PRDM5: variants seen among roughly 807,000 people sequenced by gnomAD.
PRDM5 encodes the protein PR domain zinc finger protein 5.
PRDM5 carries 56 observed loss-of-function variants against 81.2 expected under a neutral mutation model. The ratio of observed to expected loss-of-function variants is 0.69; its 90% CI spans 0.56 to 0.86. PRDM5 has a LOEUF of 0.86. PRDM5 is among the 40% of genes least tolerant of loss of function. PRDM5 has a pLI of 0.00. For synonymous variants in PRDM5, 267 were observed against 256.4 expected (o/e 1.04, Z -0.39); for missense variants, 697 against 770.1 (o/e 0.91, Z 1.12).
At chr4:120,904,126 G>T (rs1218086341) in intron 2 of PRDM5, among the ~76,000 whole-genome samples, 1 of 140,782 alleles carries the variant, frequency 7.1e-6, no homozygotes. Flanking sequence ...GGAGATGGAG[G>T]TTGCAGTGAG....
At chr4:120,824,509 A>C (rs1222188721) in intron 3 of PRDM5, among the ~76,000 whole-genome samples, 1 of 152,220 alleles carries the variant, frequency 6.6e-6, no homozygotes, top group Non-Finnish European at 1.5e-5. Flanking sequence ...CCTGCTCAAA[A>C]GCAAATATTC....
chr4:120,685,980 T>A (rs1042037400), intron 1 of PRDM5, among the ~76,000 whole-genome samples: 1 of 152,072 alleles, frequency 6.6e-6, no homozygotes, highest in African/African-American at 2.4e-5. Context: ...ATCCCCTTAG[T>A]GTTCTCCTTG....
intron 13 of PRDM5, among the ~76,000 whole-genome samples, chr4:120,773,832 T>C (rs1159542537): frequency 1.3e-5 from 2 of 152,212 alleles, no homozygotes; most frequent in Non-Finnish European, 2.9e-5. Context: ...TGCAGCAGGA[T>C]GAGTGAAGAA....
chr4:120,862,158 C>T (rs982828170), intron 2 of PRDM5, among the ~76,000 whole-genome samples: 2 of 152,206 alleles, frequency 1.3e-5, no homozygotes, highest in Admixed American at 1.3e-4. Context: ...ATCCAGCAAT[C>T]ATAGTTCTGT....
intron 15 of PRDM5, among the ~76,000 whole-genome samples, chr4:120,706,350 C>G (rs1736142537): frequency 6.6e-6 from 1 of 152,100 alleles, no homozygotes; most frequent in Non-Finnish European, 1.5e-5. Flanking sequence ...AGGACCTTAA[C>G]TAGAATAATG....
intron 14 of PRDM5, among the ~76,000 whole-genome samples, chr4:120,743,004 C>A (rs377012533): frequency 0.039 from 5,825 of 147,862 alleles, 284 homozygotes; most frequent in African/African-American, 0.11. Flanking sequence ...GAAATGAAGG[C>A]AAAAATGTTA....
intron 13 of PRDM5, among the ~76,000 whole-genome samples, chr4:120,772,423 C>T (rs952093987): frequency 6.6e-6 from 1 of 152,176 alleles, no homozygotes; most frequent in African/African-American, 2.4e-5. Context: ...CAACAGTGAA[C>T]AGTTCCTATG....
chr4:120,823,078 T>C (rs1755499965), intron 3 of PRDM5, among the ~76,000 whole-genome samples: 1 of 152,178 alleles, frequency 6.6e-6, no homozygotes, highest in Non-Finnish European at 1.5e-5. Flanking sequence ...TTTTTAACTG[T>C]TTGGGTAACC....
intron 11 of PRDM5, among the ~76,000 whole-genome samples, chr4:120,782,018 A>G (rs180803463): frequency 7.1e-4 from 108 of 151,866 alleles, no homozygotes; most frequent in African/African-American, 2.4e-3. Flanking sequence ...GGGGAAAGCA[A>G]CCTCAGAAAA....
intron 1 of PRDM5, among the ~76,000 whole-genome samples, chr4:120,911,108 AAC>A (rs1439032777): frequency 1.3e-5 from 2 of 152,190 alleles, no homozygotes; most frequent in African/African-American, 4.8e-5. Context: ...CCAGATACCC[AAC>A]CATAAACATG....
intron 3 of PRDM5, among the ~76,000 whole-genome samples, chr4:120,821,913 C>G (rs1298483364): frequency 6.7e-6 from 1 of 149,650 alleles, no homozygotes; most frequent in Non-Finnish European, 1.5e-5. Flanking sequence ...TCTTTGGTCT[C>G]TAAATCCCAC....
chr4:120,747,225 A>T (rs1367304431), intron 14 of PRDM5, among the ~76,000 whole-genome samples: 1 of 146,088 alleles, frequency 6.8e-6, no homozygotes, highest in Non-Finnish European at 1.5e-5. Context: ...ATAGGTGGGA[A>T]TTGAACAATG....
At chr4:120,744,809 A>C (rs967984968) in intron 14 of PRDM5, among the ~76,000 whole-genome samples, 1 of 149,860 alleles carries the variant, frequency 6.7e-6, no homozygotes, top group Non-Finnish European at 1.5e-5. Flanking sequence ...AACCAAAAAG[A>C]GTCCAGGACC....
intron 3 of PRDM5, among the ~76,000 whole-genome samples, chr4:120,835,786 T>C (rs1037993769): frequency 2.0e-5 from 3 of 151,894 alleles, no homozygotes; most frequent in African/African-American, 7.3e-5. Flanking sequence ...GCACATTTAA[T>C]AGCTGAGTAA....
intron 14 of PRDM5, among the ~76,000 whole-genome samples, chr4:120,725,720 G>T (rs533769162): frequency 5.3e-4 from 78 of 147,824 alleles, no homozygotes; most frequent in African/African-American, 1.7e-3. Flanking sequence ...TGCCAACTCC[G>T]TTTCTATATT....
intron 10 of PRDM5, among the ~76,000 whole-genome samples, chr4:120,786,182 C>T (rs1227153251): frequency 6.6e-6 from 1 of 151,930 alleles, no homozygotes; most frequent in Non-Finnish European, 1.5e-5. Context: ...TATATATTTT[C>T]TTAGTTTAGC....
chr4:120,811,962 G>T (rs1753901253), intron 7 of PRDM5, among the ~76,000 whole-genome samples: 1 of 151,984 alleles, frequency 6.6e-6, no homozygotes, highest in Non-Finnish European at 1.5e-5. Flanking sequence ...TCAAATAATA[G>T]ATCGTATTCA....
At chr4:120,825,846 T>A (rs1388661799) in intron 3 of PRDM5, among the ~76,000 whole-genome samples, 1 of 151,986 alleles carries the variant, frequency 6.6e-6, no homozygotes, top group Non-Finnish European at 1.5e-5. Flanking sequence ...CAGATACCAA[T>A]CAATTGTCTG....
intron 2 of PRDM5, among the ~76,000 whole-genome samples, chr4:120,893,370 G>A (rs886675643): frequency 6.6e-6 from 1 of 152,154 alleles, no homozygotes; most frequent in Non-Finnish European, 1.5e-5. Context: ...TCAGATGGCT[G>A]GCCAGCAGGG....
Sources: allele counts gnomAD v4.1 joint callset (sites outside exome capture counted in the v4.1 genomes callset), GRCh38; gene constraint gnomAD v4.1.1; transcripts MANE v1.5; gene names NCBI Gene and HGNC (gene_info 2026-07-23, HGNC 2026-07-21).